The following IL1RAPL1 variants were observed in gnomAD, a reference collection of about 807,000 sequenced individuals.
IL1RAPL1 encodes interleukin 1 receptor accessory protein like 1.
IL1RAPL1 carries 3 observed loss-of-function variants against 48.4 expected under a neutral mutation model. That is an observed-to-expected ratio of 0.06 (90% CI 0.03 to 0.16). IL1RAPL1 has a LOEUF of 0.16. IL1RAPL1 is among the 10% of genes least tolerant of loss of function. IL1RAPL1 has a pLI of 1.00. For synonymous variants in IL1RAPL1, 185 were observed against 187.7 expected (o/e 0.99, Z 0.12); for missense variants, 349 against 530.6 (o/e 0.66, Z 3.36).
intron 5 of IL1RAPL1, among the ~76,000 whole-genome samples, chrX:29,429,801 C>A (rs1212482467): frequency 9.1e-6 from 1 of 109,780 alleles, no homozygotes; most frequent in Non-Finnish European, 1.9e-5. Context: ...GTAGGTGGTG[C>A]TCAGAAATAG....
chrX:28,780,363 G>GTGTCTGTCTGTC (rs536943048), intron 1 of IL1RAPL1, among the ~76,000 whole-genome samples: 4 of 91,458 alleles, frequency 4.4e-5, no homozygotes, highest in South Asian at 5.6e-4. Context: ...GTGTGTGTGT[G>GTGTCTGTCTGTC]TGTCTGTCTG....
chrX:29,300,691 T>C (rs918223427), intron 3 of IL1RAPL1, among the ~76,000 whole-genome samples: 1 of 112,205 alleles, frequency 8.9e-6, no homozygotes, highest in Non-Finnish European at 1.9e-5. Context: ...AGAAATCTCA[T>C]GTAGATAGCT....
intron 5 of IL1RAPL1, among the ~76,000 whole-genome samples, chrX:29,456,172 C>A (rs1388264814): frequency 8.9e-6 from 1 of 112,362 alleles, no homozygotes; most frequent in Non-Finnish European, 1.9e-5. Context: ...ACGACATCTT[C>A]AACTCTAAGT....
chrX:29,785,749 A>G (rs900839640), intron 6 of IL1RAPL1, among the ~76,000 whole-genome samples: 1 of 112,070 alleles, frequency 8.9e-6, no homozygotes, highest in African/African-American at 3.2e-5. Flanking sequence ...ACAGATATAC[A>G]TAAGACTATG....
At chrX:29,939,113 T>C (rs768084598) in intron 8 of IL1RAPL1, among the ~76,000 whole-genome samples, 3 of 112,144 alleles carry the variant, frequency 2.7e-5, no homozygotes, top group African/African-American at 6.5e-5. Flanking sequence ...GTGGAACTGC[T>C]ATTGATATGG....
intron 5 of IL1RAPL1, among the ~76,000 whole-genome samples, chrX:29,411,515 A>C (rs1364547448): frequency 9.0e-6 from 1 of 111,438 alleles, no homozygotes; most frequent in Non-Finnish European, 1.9e-5. Context: ...CTTTGACAGC[A>C]TTGAATTTCA....
chrX:28,616,818 G>A (rs1934225270), intron 1 of IL1RAPL1, among the ~76,000 whole-genome samples: 1 of 112,175 alleles, frequency 8.9e-6, no homozygotes. Context: ...AACTTTAATT[G>A]GAATGAATTT....
At chrX:29,682,215 A>G (rs1926473910) in intron 6 of IL1RAPL1, among the ~76,000 whole-genome samples, 1 of 111,599 alleles carries the variant, frequency 9.0e-6, no homozygotes, top group Admixed American at 9.5e-5. Context: ...GTAAAAATGT[A>G]TATGTTATGT....
intron 2 of IL1RAPL1, among the ~76,000 whole-genome samples, chrX:28,966,011 A>G (rs1433201573): frequency 1.8e-5 from 2 of 111,669 alleles, no homozygotes; most frequent in East Asian, 5.6e-4. Context: ...GGGCTGCATA[A>G]TGGCACCAAT....
At chrX:29,816,624 A>G (rs1488084502) in intron 6 of IL1RAPL1, among the ~76,000 whole-genome samples, 1 of 111,215 alleles carries the variant, frequency 9.0e-6, no homozygotes, top group Admixed American at 9.5e-5. Flanking sequence ...ACACAACAAA[A>G]AAAGAAGACT....
chrX:29,831,040 G>C (rs2147187984), intron 6 of IL1RAPL1, among the ~76,000 whole-genome samples: 1 of 111,676 alleles, frequency 9.0e-6, no homozygotes, highest in Admixed American at 9.5e-5. Context: ...AATTTAAAAG[G>C]AAAATTAGAG....
Position 29,137,649 on chromosome X carries a change from G to A in IL1RAPL1, c.83-145289G>A, listed in dbSNP as rs1249253010. On this transcript the variant is annotated intron_variant, in intron 2 of 10. Coordinates refer to ENST00000378993, the MANE Select transcript of IL1RAPL1 (RefSeq NM_014271.4). ...AAAACCTAAACCTCTACTTTAAAAT[G>A]AGGATATTTTACCTTTAAATGTCTA... Among the ~76,000 whole-genome samples, 3 of 112,068 alleles carry A rather than the reference G, an allele frequency of 2.7e-5. No homozygotes were observed. The East Asian group carries it at 8.4e-4, about 31-fold the overall frequency.
chrX:29,946,942 G>A lies in IL1RAPL1; in HGVS notation c.1201+5148G>A, dbSNP rs1383440764. Among the ~76,000 whole-genome samples the A allele has an allele frequency of 2.7e-5, 3 of 112,061 alleles. No homozygotes were observed. In the Admixed American group the frequency reaches 2.8e-4, roughly 11 times the overall value. ...TTTACCATGGAAATACCATTTCCAA[G>A]ACCCATTGTACACAGTAAAAAGCCA... On this transcript the variant is annotated intron_variant, in intron 9 of 10. Coordinates refer to ENST00000378993, the MANE Select transcript of IL1RAPL1 (RefSeq NM_014271.4).
chrX:28,667,381 T>G (rs642519), intron 1 of IL1RAPL1, among the ~76,000 whole-genome samples: 1 of 111,138 alleles, frequency 9.0e-6, no homozygotes, highest in Non-Finnish European at 1.9e-5. Context: ...ACAAAACTTA[T>G]TGTCAATCGA....
intron 6 of IL1RAPL1, among the ~76,000 whole-genome samples, chrX:29,860,155 C>G (rs1931548198): frequency 9.0e-6 from 1 of 111,560 alleles, no homozygotes; most frequent in Non-Finnish European, 1.9e-5. Flanking sequence ...GTCAAATCAC[C>G]CTCCCGATAG....
chrX:28,903,811 A>G (rs1177382196), intron 2 of IL1RAPL1, among the ~76,000 whole-genome samples: 1 of 111,143 alleles, frequency 9.0e-6, no homozygotes, highest in African/African-American at 3.3e-5. Context: ...CATATAATGC[A>G]TACATATGTG....
chrX:29,842,124 A>G (rs1471911803), intron 6 of IL1RAPL1, among the ~76,000 whole-genome samples: 1 of 112,315 alleles, frequency 8.9e-6, no homozygotes, highest in Non-Finnish European at 1.9e-5. Flanking sequence ...GCCCTAAACC[A>G]TACTGTCTGC....
At position 28,940,650 on chromosome X, in the gene IL1RAPL1, G is replaced by GTTGA. The variant is rs747018598; in HGVS notation, c.82+151228_82+151231dup. ...AAGTCTCTAAGGAAAGAAATAACCT[G>GTTGA]TTGATTATATTTTGACTTACTTGGG... On this transcript the variant is annotated intron_variant, in intron 2 of 10. Coordinates refer to ENST00000378993, the MANE Select transcript of IL1RAPL1 (RefSeq NM_014271.4). Among the ~76,000 whole-genome samples, 4 of 110,840 alleles carry GTTGA rather than the reference G, an allele frequency of 3.6e-5. No homozygotes were observed. In the South Asian group the frequency reaches 1.5e-3, roughly 42 times the overall value.
At chrX:29,252,276 G>GAAAAAAA (rs1208250005) in intron 2 of IL1RAPL1, among the ~76,000 whole-genome samples, 1 of 47,640 alleles carries the variant, frequency 2.1e-5, no homozygotes, top group Non-Finnish European at 5.9e-5. Context: ...AATAGTAAAA[G>GAAAAAAA]AAAAAAGAAA....
Sources: allele counts gnomAD v4.1 joint callset (sites outside exome capture counted in the v4.1 genomes callset), GRCh38; gene constraint gnomAD v4.1.1; transcripts MANE v1.5; gene names NCBI Gene and HGNC (gene_info 2026-07-23, HGNC 2026-07-21).